Variants in SLC26A5 observed in about 807,000 individuals in gnomAD.
The protein encoded by SLC26A5 is solute carrier family 26 member 5.
In SLC26A5, 51 loss-of-function variants were observed where a neutral mutation model predicts 81.0. That is an observed-to-expected ratio of 0.63 (90% CI 0.50 to 0.80). The LOEUF (loss-of-function observed/expected upper bound fraction) is 0.80, where lower values mean the gene tolerates loss of function less well. Among genes scored for constraint, SLC26A5 ranks in the 30% least tolerant of loss-of-function variants. The probability of loss-of-function intolerance (pLI) is 0.00; values close to 1 mark genes in which losing one functional copy is unlikely to be tolerated. For missense variants in SLC26A5, 771 were observed against 905.8 expected (o/e 0.85, Z 1.91); for synonymous variants, 325 against 332.8 (o/e 0.98, Z 0.25).
At chr7:103,366,205 C>A in intron 19 of SLC26A5, 1 of 1,519,748 alleles carries the variant, frequency 6.6e-7, no homozygotes, top group Non-Finnish European at 9.1e-7. Context: ...GATTCAGTTT[C>A]ATGAAAGCTG....
At position 103,377,625 on chromosome 7, in the gene SLC26A5, A is replaced by C. The variant is rs781524264; in HGVS notation, c.1960T>G (p.Ser654Ala). Residue 654 changes from serine (S) to alanine (A), a missense_variant, in exon 18 of 20, where the codon TCT (serine) becomes GCT (alanine). Coordinates refer to ENST00000306312, the MANE Select transcript of SLC26A5 (RefSeq NM_198999.3). ...LDFTQVNFID[S>A]VGVKTLAGIV... ...CCTGCCAGAGTTTTCACTCCAACAGAATCAATAAAATTGACTTGAGTGAAA... is the reference window on the plus strand; with the variant it reads ...CCTGCCAGAGTTTTCACTCCAACAGCATCAATAAAATTGACTTGAGTGAAA... The C allele has an allele frequency of 6.2e-7, 1 of 1,614,134 alleles. No individual in the cohort carries two copies. Among genetic ancestry groups the C allele is most frequent in the Non-Finnish European group, 8.5e-7 (1 of 1,180,008 alleles).
At chr7:103,416,781 T>C (rs1402478515) in intron 4 of SLC26A5, among the ~76,000 whole-genome samples, 2 of 152,084 alleles carry the variant, frequency 1.3e-5, no homozygotes, top group African/African-American at 4.8e-5. Flanking sequence ...GTTTATACCA[T>C]TTCCCCCTCT....
chr7:103,416,599 T>C (rs1004285430), intron 4 of SLC26A5, among the ~76,000 whole-genome samples: 4 of 152,186 alleles, frequency 2.6e-5, no homozygotes, highest in African/African-American at 9.7e-5. Flanking sequence ...TTGCCTGACT[T>C]CCAGCTTTCA....
At chr7:103,438,811 G>T (rs1464976623) in intron 2 of SLC26A5, among the ~76,000 whole-genome samples, 2 of 152,136 alleles carry the variant, frequency 1.3e-5, no homozygotes. Flanking sequence ...GGCAACTATA[G>T]TTCTGATTTC....
At chr7:103,385,225 G>A (rs989416527) in intron 14 of SLC26A5, among the ~76,000 whole-genome samples, 5 of 151,916 alleles carry the variant, frequency 3.3e-5, no homozygotes, top group African/African-American at 1.2e-4. Flanking sequence ...GCAGTGGCGT[G>A]ATCTCGGCTC....
At chr7:103,391,413 T>C (rs1645357855) in intron 11 of SLC26A5, among the ~76,000 whole-genome samples, 1 of 152,242 alleles carries the variant, frequency 6.6e-6, no homozygotes, top group African/African-American at 2.4e-5. Context: ...AACTTTCCAA[T>C]GTAACTGGAG....
At chr7:103,428,780 C>T (rs1825873699) in intron 2 of SLC26A5, among the ~76,000 whole-genome samples, 1 of 152,100 alleles carries the variant, frequency 6.6e-6, no homozygotes, top group Non-Finnish European at 1.5e-5. Context: ...GTTGGCAAGG[C>T]TGGTCTTGAA....
intron 14 of SLC26A5, among the ~76,000 whole-genome samples, chr7:103,385,166 T>C (rs563781302): frequency 1.3e-5 from 2 of 152,138 alleles, no homozygotes; most frequent in African/African-American, 4.8e-5. Flanking sequence ...TTTGTTGTTG[T>C]TGTTGTTGTT....
intron 19 of SLC26A5, among the ~76,000 whole-genome samples, chr7:103,356,606 T>C (rs1820048239): frequency 6.6e-6 from 1 of 152,222 alleles, no homozygotes; most frequent in Non-Finnish European, 1.5e-5. Context: ...ACTAAACATC[T>C]GTATTTCTTT....
intron 19 of SLC26A5, chr7:103,364,319 T>C: frequency 6.2e-7 from 1 of 1,613,526 alleles, no homozygotes; most frequent in Non-Finnish European, 8.5e-7. Context: ...TAAAGTAAAT[T>C]TATCAAAGAA....
At chr7:103,411,156 G>A (rs1005430483) in intron 6 of SLC26A5, among the ~76,000 whole-genome samples, 2 of 152,272 alleles carry the variant, frequency 1.3e-5, no homozygotes, top group Admixed American at 1.3e-4. Context: ...CAAGCAGAGA[G>A]GAATGTCCTC....
intron 8 of SLC26A5, among the ~76,000 whole-genome samples, chr7:103,405,625 T>C (rs1586301921): frequency 6.6e-6 from 1 of 152,332 alleles, no homozygotes; most frequent in Non-Finnish European, 1.5e-5. Flanking sequence ...CTTTGGCCCC[T>C]ACTGGGAGGT....
intron 8 of SLC26A5, among the ~76,000 whole-genome samples, chr7:103,401,300 G>A (rs188783806): frequency 3.3e-5 from 5 of 152,208 alleles, no homozygotes; most frequent in African/African-American, 1.2e-4. Context: ...CTTATAAGTT[G>A]TATTCATAGA....
intron 2 of SLC26A5, among the ~76,000 whole-genome samples, chr7:103,440,849 G>A (rs927472239): frequency 1.3e-5 from 2 of 152,124 alleles, no homozygotes; most frequent in African/African-American, 2.4e-5. Context: ...TCCACTCTAG[G>A]AAAAAATATG....
intron 7 of SLC26A5, 62 bp downstream of exon 7, chr7:103,410,323 G>A (rs1364050976): frequency 7.3e-7 from 1 of 1,376,978 alleles, no homozygotes; most frequent in Admixed American, 1.7e-5. Context: ...AAGAGATACA[G>A]AAGAGAAGGT....
chr7:103,379,187 A>T, intron 16 of SLC26A5, 56 bp downstream of exon 16: 1 of 1,210,324 alleles, frequency 8.3e-7, no homozygotes, highest in Non-Finnish European at 1.2e-6. Context: ...TGATCCTCAT[A>T]TCCCTGTCAA....
At chr7:103,403,085 T>C (rs1344084424) in intron 8 of SLC26A5, among the ~76,000 whole-genome samples, 1 of 152,204 alleles carries the variant, frequency 6.6e-6, no homozygotes, top group Non-Finnish European at 1.5e-5. Context: ...TTTGTTCTCA[T>C]TGGTTTCAAA....
At chr7:103,389,176 C>T in intron 13 of SLC26A5, 62 bp from the exon 14 acceptor site, 1 of 1,274,358 alleles carries the variant, frequency 7.8e-7, no homozygotes, top group Non-Finnish European at 1.1e-6. Flanking sequence ...GAGTTAAACA[C>T]ACAAGTGTGC....
intron 8 of SLC26A5, among the ~76,000 whole-genome samples, chr7:103,403,010 T>C (rs983013699): frequency 2.0e-5 from 3 of 152,226 alleles, no homozygotes; most frequent in Non-Finnish European, 4.4e-5. Flanking sequence ...TGTGGGCATT[T>C]AGTGCTATAA....
Sources: allele counts gnomAD v4.1 joint callset (sites outside exome capture counted in the v4.1 genomes callset), GRCh38; gene constraint gnomAD v4.1.1; transcripts MANE v1.5; gene names NCBI Gene and HGNC (gene_info 2026-07-23, HGNC 2026-07-21).